LRRC4C: variants seen among roughly 807,000 people sequenced by gnomAD.
LRRC4C encodes leucine rich repeat containing 4C.
Under a neutral mutation model 33.6 loss-of-function variants are expected in LRRC4C, and 5 were observed. The ratio of observed to expected loss-of-function variants is 0.15; its 90% CI spans 0.08 to 0.31. The LOEUF (loss-of-function observed/expected upper bound fraction) is 0.31. LRRC4C is among the 10% of genes least tolerant of loss of function. The probability of loss-of-function intolerance (pLI) is 1.00; values close to 1 mark genes in which losing one functional copy is unlikely to be tolerated. For missense variants in LRRC4C, 560 were observed against 796.7 expected (o/e 0.70, Z 3.58); for synonymous variants, 329 against 302.0 (o/e 1.09, Z -0.93).
At chr11:40,624,517 C>T (rs11035966) in intron 3 of LRRC4C, among the ~76,000 whole-genome samples, 68,739 of 151,854 alleles carry the variant, frequency 0.45, 16,733 homozygotes, top group Middle Eastern at 0.59. Flanking sequence ...TCTTAATGTG[C>T]CCCAAATGGT....
At chr11:41,420,720 G>T (rs1954846469) in intron 1 of LRRC4C, among the ~76,000 whole-genome samples, 1 of 151,996 alleles carries the variant, frequency 6.6e-6, no homozygotes, top group Middle Eastern at 3.4e-3. Flanking sequence ...TTACAAGCTG[G>T]TTACTTAACA....
chr11:41,240,336 A>C (rs1175087676), intron 1 of LRRC4C, among the ~76,000 whole-genome samples: 3 of 152,196 alleles, frequency 2.0e-5, no homozygotes, highest in Non-Finnish European at 4.4e-5. Flanking sequence ...AGAAATTGCA[A>C]AGAGTCCCTC....
intron 2 of LRRC4C, among the ~76,000 whole-genome samples, chr11:40,867,615 C>G (rs1954432936): frequency 1.3e-5 from 2 of 151,912 alleles, no homozygotes; most frequent in African/African-American, 4.8e-5. Flanking sequence ...GCTCATTTTA[C>G]CCCACCAAAG....
intron 5 of LRRC4C, among the ~76,000 whole-genome samples, chr11:40,235,823 T>G (rs145607444): frequency 6.6e-6 from 1 of 152,266 alleles, no homozygotes; most frequent in African/African-American, 2.4e-5. Flanking sequence ...TTCAACCCAA[T>G]TCCATGGATC....
At chr11:40,871,764 T>A (rs1055039292) in intron 2 of LRRC4C, among the ~76,000 whole-genome samples, 1 of 152,134 alleles carries the variant, frequency 6.6e-6, no homozygotes, top group Admixed American at 6.6e-5. Context: ...AAACATAAAA[T>A]GAGTCACACG....
chr11:40,497,790 T>C (rs1161204826), intron 3 of LRRC4C, among the ~76,000 whole-genome samples: 8 of 152,172 alleles, frequency 5.3e-5, no homozygotes, highest in African/African-American at 1.4e-4. Flanking sequence ...TTTAGGTTCC[T>C]CCTCTTTCTG....
At position 40,366,177 on chromosome 11, in the gene LRRC4C, G is replaced by A. The variant is rs915115154; in HGVS notation, c.-269-46456C>T. ...CTGCTGTATGTGTCTATGCACTCAC[G>A]GCTGTACCAGAAACAGTGGAGAAAA... On this transcript the variant is annotated intron_variant, in intron 3 of 6. Transcript: ENST00000528697. 8.5e-5 allele frequency among the ~76,000 whole-genome samples: 13 copies of A among 152,092 alleles called. No homozygotes were observed. The East Asian group carries it at 1.2e-3, about 14-fold the overall frequency.
At chr11:40,221,964 T>C (rs893034773) in intron 5 of LRRC4C, among the ~76,000 whole-genome samples, 1 of 152,112 alleles carries the variant, frequency 6.6e-6, no homozygotes, top group African/African-American at 2.4e-5. Flanking sequence ...ATTCCTTCCT[T>C]CTTTAACTTG....
chr11:40,453,617 G>GAAAAAA (rs149112559), intron 3 of LRRC4C, among the ~76,000 whole-genome samples: 40,636 of 143,046 alleles, frequency 0.28, 6,749 homozygotes, highest in South Asian at 0.44. Flanking sequence ...GGCATTCTAA[G>GAAAAAA]AAAAAAAAAA....
intron 1 of LRRC4C, among the ~76,000 whole-genome samples, chr11:40,937,599 GTA>G (rs1301208561): frequency 0.019 from 2,598 of 133,584 alleles, 78 homozygotes; most frequent in African/African-American, 0.073. Context: ...TTGAGTGTGT[GTA>G]TATGTGTGTG....
At position 41,412,736 on chromosome 11, in the gene LRRC4C, C is replaced by G. The variant is rs560023244; in HGVS notation, c.-496+46695G>C. On this transcript the variant is annotated intron_variant, in intron 1 of 6. Transcript: ENST00000528697. ...TAGTTTTTAGAACTCAGTCTGTGTA[C>G]TAGGAGCCCTTAACTTCCATGATGA... Among the ~76,000 whole-genome samples, 25 of 152,244 alleles carry G rather than the reference C, an allele frequency of 1.6e-4. No individual in the cohort carries two copies. The South Asian group carries it at 5.0e-3, about 30-fold the overall frequency.
At chr11:40,906,140 G>A (rs2136225478) in intron 2 of LRRC4C, among the ~76,000 whole-genome samples, 2 of 152,304 alleles carry the variant, frequency 1.3e-5, no homozygotes, top group Admixed American at 1.3e-4. Context: ...AAAAGCTTAT[G>A]ACCATTTTAT....
chr11:41,337,645 A>C (rs1428948260), intron 1 of LRRC4C, among the ~76,000 whole-genome samples: 1 of 152,188 alleles, frequency 6.6e-6, no homozygotes, highest in Non-Finnish European at 1.5e-5. Context: ...TTCATTATGA[A>C]AAGGCCAAAA....
intron 3 of LRRC4C, among the ~76,000 whole-genome samples, chr11:40,350,036 T>C (rs190479976): frequency 7.2e-5 from 11 of 152,292 alleles, no homozygotes; most frequent in East Asian, 3.9e-4. Context: ...TCCGATCATA[T>C]GGGTTTTCTC....
intron 3 of LRRC4C, among the ~76,000 whole-genome samples, chr11:40,612,907 T>C (rs1228973551): frequency 6.6e-6 from 1 of 151,934 alleles, no homozygotes; most frequent in African/African-American, 2.4e-5. Flanking sequence ...ATAAAAGTTA[T>C]ATTTAGACTA....
chr11:40,748,737 G>T (rs188859038), intron 2 of LRRC4C, among the ~76,000 whole-genome samples: 2 of 152,122 alleles, frequency 1.3e-5, no homozygotes, highest in African/African-American at 4.8e-5. Context: ...TACTAGAAAC[G>T]CACTTTACCT....
At position 40,732,069 on chromosome 11, in the gene LRRC4C, A is replaced by C. The variant is rs1047666897; in HGVS notation, c.-406-83791T>G. ...TATGCAAAAAAAAACCAAAAAAAAA[A>C]CAAAGTTTAAATGCTTATTTTCAAT... On this transcript the variant is annotated intron_variant, in intron 2 of 6. Coordinates refer to ENST00000528697, the MANE Select transcript of LRRC4C (RefSeq NM_001258419.2). 1.1e-4 allele frequency among the ~76,000 whole-genome samples: 17 copies of C among 151,968 alleles called. No individual in the cohort carries two copies. In the East Asian group the frequency reaches 2.3e-3, roughly 21 times the overall value.
chr11:41,069,037 G>A (rs1373536098), intron 1 of LRRC4C, among the ~76,000 whole-genome samples: 1 of 152,084 alleles, frequency 6.6e-6, no homozygotes, highest in Non-Finnish European at 1.5e-5. Flanking sequence ...CTGGCAAACC[G>A]AATCCAGCAG....
intron 2 of LRRC4C, among the ~76,000 whole-genome samples, chr11:40,811,535 T>G (rs911113824): frequency 6.6e-6 from 1 of 152,318 alleles, no homozygotes; most frequent in Admixed American, 6.5e-5. Flanking sequence ...TCTCTCTCTG[T>G]CAGCCAGACT....
Sources: gnomAD v4.1 joint callset for allele counts (sites outside exome capture counted in the v4.1 genomes callset) on GRCh38, gnomAD v4.1.1 for gene constraint, MANE v1.5 for transcripts, NCBI Gene and HGNC (gene_info 2026-07-23, HGNC 2026-07-21) for gene names.